MEIS2: variants seen among roughly 807,000 people sequenced by gnomAD.
MEIS2 encodes the protein homeobox protein Meis2.
In MEIS2, 9 loss-of-function variants were observed where a neutral mutation model predicts 58.6. That is an observed-to-expected ratio of 0.15 (90% CI 0.09 to 0.27). The LOEUF (loss-of-function observed/expected upper bound fraction) is 0.27, where lower values mean the gene tolerates loss of function less well. Among genes scored for constraint, MEIS2 ranks in the 10% least tolerant of loss-of-function variants. The pLI is 1.00. For synonymous variants in MEIS2, 221 were observed against 228.4 expected (o/e 0.97, Z 0.29); for missense variants, 427 against 635.0 (o/e 0.67, Z 3.52).
At chr15:36,979,490 G>A (rs1028040595) in intron 8 of MEIS2, among the ~76,000 whole-genome samples, 2 of 151,764 alleles carry the variant, frequency 1.3e-5, no homozygotes, top group Admixed American at 6.6e-5. Context: ...AAATGACATC[G>A]TATTTTAGTT....
chr15:37,002,676 G>T (rs1013869909), intron 8 of MEIS2, among the ~76,000 whole-genome samples: 2 of 151,958 alleles, frequency 1.3e-5, no homozygotes, highest in African/African-American at 4.8e-5. Context: ...GTATTTTAGT[G>T]GTAGGGATTA....
At chr15:37,025,837 G>A (rs902541143) in intron 8 of MEIS2, among the ~76,000 whole-genome samples, 7 of 151,430 alleles carry the variant, frequency 4.6e-5, no homozygotes, top group Non-Finnish European at 1.0e-4. Flanking sequence ...CTTTTCACAC[G>A]ATCATATTTA....
intron 10 of MEIS2, 137 bp from the exon 11 acceptor site, chr15:36,895,398 C>T: frequency 1.4e-6 from 1 of 695,356 alleles, no homozygotes. Context: ...TGTGGTTTGT[C>T]TGAGTGTCTT....
At chr15:37,101,103 G>A (rs1895068148), upstream of MEIS2, 1 of 151,988 alleles carries the variant, frequency 6.6e-6, no homozygotes, top group Non-Finnish European at 1.5e-5. Flanking sequence ...TTTATTAAGT[G>A]GCACTTTCTT....
At chr15:37,036,731 TA>T (rs929628409) in intron 8 of MEIS2, 82 bp downstream of exon 8, 1,047 of 1,405,200 alleles carry the variant, frequency 7.5e-4, no homozygotes, top group South Asian at 1.6e-3. Flanking sequence ...CACCTTAGTT[TA>T]AAAAAAAATC....
In MEIS2 at chr15:36,892,473, G is replaced by T; in HGVS notation, c.1148-14C>A. On this transcript the variant is annotated splice_polypyrimidine_tract_variant and intron_variant, in intron 11 of 11. Transcript: ENST00000561208. ...TGCTCTGCAAACCTGAAAATAGAGA[G>T]GGAAAAAGAAAGCGGGTCAAATTCC... 1 of 1,604,320 alleles carries T rather than the reference G, an allele frequency of 6.2e-7. No individual in the cohort carries two copies. Among genetic ancestry groups the T allele is most frequent in the Non-Finnish European group, 8.5e-7 (1 of 1,176,642 alleles).
chr15:36,985,064 TGAGA>T (rs2060051366), intron 8 of MEIS2, among the ~76,000 whole-genome samples: 3 of 152,228 alleles, frequency 2.0e-5, no homozygotes, highest in Admixed American at 6.5e-5. Flanking sequence ...TTTCTTCAGT[TGAGA>T]GAATTTGTGA....
At chr15:36,940,636 T>A (rs1363550403) in intron 9 of MEIS2, among the ~76,000 whole-genome samples, 1 of 152,182 alleles carries the variant, frequency 6.6e-6, no homozygotes, top group African/African-American at 2.4e-5. Context: ...CTAAATGTAA[T>A]ACTTGGAGAA....
At chr15:36,982,663 T>C (rs530768328) in intron 8 of MEIS2, among the ~76,000 whole-genome samples, 3 of 152,208 alleles carry the variant, frequency 2.0e-5, no homozygotes, top group East Asian at 1.9e-4. Flanking sequence ...TTTGGATATA[T>C]TCCCAGAAAT....
chr15:36,900,117 C>A (rs2056391528), intron 9 of MEIS2, among the ~76,000 whole-genome samples: 1 of 152,192 alleles, frequency 6.6e-6, no homozygotes, highest in Non-Finnish European at 1.5e-5. Flanking sequence ...ATATAATCTA[C>A]TTTTCTATCG....
intron 7 of MEIS2, among the ~76,000 whole-genome samples, chr15:37,039,221 G>A (rs772106595): frequency 6.6e-6 from 1 of 152,200 alleles, no homozygotes; most frequent in African/African-American, 2.4e-5. Flanking sequence ...TGTGTAATAT[G>A]AAATCTATGT....
chr15:36,996,620 A>G (rs568876465), intron 8 of MEIS2, among the ~76,000 whole-genome samples: 5 of 152,316 alleles, frequency 3.3e-5, no homozygotes, highest in African/African-American at 1.2e-4. Flanking sequence ...CCAAGAAGGC[A>G]CTGTTTCTTT....
intron 9 of MEIS2, among the ~76,000 whole-genome samples, chr15:36,904,410 C>T (rs1175453179): frequency 6.7e-6 from 1 of 149,808 alleles, no homozygotes; most frequent in African/African-American, 2.5e-5. Context: ...GGCATAAACA[C>T]ACCTGTATGA....
chr15:37,036,946 G>A lies in MEIS2; in HGVS notation c.768C>T (p.Asp256=). The stretch of plus-strand genomic sequence containing the variant: ...CTGTACCAGGTGAAGCTACACTGTT[G>A]TCTAAACCATCCCCTAGTAGAAAGA... ...DNSSEQGDGL[D]NSVASPGTGD... Residue 256 remains aspartate (D), a synonymous_variant, in exon 8 of 12, where the codon GAC becomes GAT. Transcript: ENST00000561208. The A allele has an allele frequency of 1.2e-6, 2 of 1,607,284 alleles. No individual in the cohort carries two copies. The highest frequency in any genetic ancestry group is 1.7e-6 in the Non-Finnish European group (2 of 1,178,284).
chr15:37,005,019 A>G (rs1479794779), intron 8 of MEIS2, among the ~76,000 whole-genome samples: 1 of 151,946 alleles, frequency 6.6e-6, no homozygotes, highest in Non-Finnish European at 1.5e-5. Flanking sequence ...TGGGGCAGAG[A>G]AAGTCATGTT....
At chr15:36,893,255 T>C (rs1441145202) in intron 11 of MEIS2, among the ~76,000 whole-genome samples, 1 of 152,256 alleles carries the variant, frequency 6.6e-6, no homozygotes. Flanking sequence ...ATTAAGGTTA[T>C]ATTTACTGTT....
chr15:36,909,827 T>C (rs1398598483), intron 9 of MEIS2, among the ~76,000 whole-genome samples: 1 of 115,660 alleles, frequency 8.6e-6, no homozygotes, highest in Non-Finnish European at 1.6e-5. Flanking sequence ...CTGAGATCAA[T>C]GAGGTGTTAT....
At chr15:36,933,588 A>ATG (rs753916853) in intron 9 of MEIS2, among the ~76,000 whole-genome samples, 61 of 104,800 alleles carry the variant, frequency 5.8e-4, no homozygotes, top group African/African-American at 1.8e-3. Context: ...ATTTATGTGT[A>ATG]TGTGTGTGTG....
At chr15:36,901,896 T>C (rs2141240303) in intron 9 of MEIS2, among the ~76,000 whole-genome samples, 1 of 151,448 alleles carries the variant, frequency 6.6e-6, no homozygotes, top group East Asian at 1.9e-4. Context: ...ACTAAAATAC[T>C]CTACTTTGAG....
Sources: gnomAD v4.1 joint callset for allele counts (sites outside exome capture counted in the v4.1 genomes callset) on GRCh38, gnomAD v4.1.1 for gene constraint, MANE v1.5 for transcripts, NCBI Gene and HGNC (gene_info 2026-07-23, HGNC 2026-07-21) for gene names.